The following MED16 variants were observed in gnomAD, a reference collection of about 807,000 sequenced individuals.
MED16 encodes the protein mediator complex subunit 16, also known as mediator of RNA polymerase II transcription subunit 16.
A neutral mutation model predicts 84.4 loss-of-function variants in MED16; 81 were observed. The observed-to-expected ratio is 0.96, with a 90% CI of 0.80 to 1.15. MED16 has a LOEUF of 1.15. Ranked by LOEUF, MED16 falls within the 50% of genes most tolerant of loss-of-function variation. MED16 has a pLI of 0.00. For synonymous variants in MED16, 897 were observed against 552.2 expected (o/e 1.62, Z -8.76); for missense variants, 1,585 against 1,245.9 (o/e 1.27, Z -4.10).
At chr19:874,707 G>T (rs1308605883) in intron 10 of MED16, among the ~76,000 whole-genome samples, 1 of 151,894 alleles carries the variant, frequency 6.6e-6, no homozygotes, top group Non-Finnish European at 1.5e-5. Context: ...GTGAGACCCT[G>T]TTGCTACAAA....
intron 6 of MED16, among the ~76,000 whole-genome samples, chr19:882,802 C>T (rs971176414): frequency 6.6e-6 from 1 of 152,246 alleles, no homozygotes; most frequent in African/African-American, 2.4e-5. Flanking sequence ...CGCAGCTGCT[C>T]TGTGCCACCC....
chr19:882,857 G>C (rs1442307605), intron 6 of MED16, among the ~76,000 whole-genome samples: 1 of 152,194 alleles, frequency 6.6e-6, no homozygotes, highest in East Asian at 1.9e-4. Flanking sequence ...CGGTCACAGA[G>C]CCTTGACCTC....
At chr19:889,949 T>TCCAGAGATGC in intron 3 of MED16, 142 bp from the exon 4 acceptor site, 1 of 1,015,210 alleles carries the variant, frequency 9.9e-7, no homozygotes, top group Non-Finnish European at 1.4e-6. Context: ...CAAGGCGCAC[T>TCCAGAGATGC]CCAGAGATGC....
rs1568324622 is a variant in MED16, at chr19:876,910, C to CGGGGCCCCACCTGCCAT, written c.1560+63_1560+64insATGGCAGGTGGGGCCCC. 2.5e-4 allele frequency: 354 copies of CGGGGCCCCACCTGCCAT among 1,420,384 alleles called. 4 individuals are homozygous for CGGGGCCCCACCTGCCAT. Among genetic ancestry groups the CGGGGCCCCACCTGCCAT allele is most frequent in the African/African-American group, 3.8e-4 (26 of 68,282 alleles). The allele number at this position is 1,420,384 out of a possible 1,614,324, so 88.0% of individuals were successfully genotyped here. On this transcript the variant is annotated intron_variant, in intron 9 of 15. Coordinates refer to ENST00000325464, the MANE Select transcript of MED16 (RefSeq NM_005481.3). ...ACCTGCCACGGGGCCCCACCTGCCA[C>CGGGGCCCCACCTGCCAT]GGGGCCCCCACCTGCCACAGGGCCC...
intron 11 of MED16, 27 bp downstream of exon 11, chr19:873,422 G>A (rs761460139): frequency 1.8e-5 from 28 of 1,596,268 alleles, no homozygotes; most frequent in African/African-American, 1.1e-4. Context: ...GGTGGGGGGC[G>A]GGGCCTTAGG....
intron 8 of MED16, 98 bp from the exon 9 acceptor site, chr19:877,278 CTG>C (rs947013574): frequency 1.7e-6 from 2 of 1,164,532 alleles, no homozygotes; most frequent in African/African-American, 1.6e-5. Context: ...GTGTGTGGAT[CTG>C]TGTGCGCGCA....
At chr19:884,008 C>T (rs2036474720) in intron 6 of MED16, among the ~76,000 whole-genome samples, 1 of 152,150 alleles carries the variant, frequency 6.6e-6, no homozygotes, top group Admixed American at 6.5e-5. Flanking sequence ...CCACAATGGG[C>T]AGTTGACATA....
chr19:870,500 G>T (rs975060668), intron 13 of MED16, among the ~76,000 whole-genome samples: 1 of 151,328 alleles, frequency 6.6e-6, no homozygotes, highest in African/African-American at 2.4e-5. Context: ...GGCAGACGTT[G>T]CAGTGGGCCA....
rs2036497822 is a variant in MED16, at chr19:885,026, GTGAGGGCT to G, written c.880-26_880-19del. ...AAAAGCACCTGCGGGGGAGGTGGGG[GTGAGGGCT>G]GACCCGGCACTGCTGTGGTGGCCAC... On this transcript the variant is annotated intron_variant, in intron 5 of 15. Transcript: ENST00000325464. 4.5e-6 allele frequency: 7 copies of G among 1,572,086 alleles called. No homozygotes were observed. Among genetic ancestry groups the G allele is most frequent in the Non-Finnish European group, 5.2e-6 (6 of 1,161,908 alleles).
intron 2 of MED16, among the ~76,000 whole-genome samples, 179 bp downstream of exon 2, chr19:890,784 G>GT (rs2036616568): frequency 6.6e-6 from 1 of 152,224 alleles, no homozygotes; most frequent in Non-Finnish European, 1.5e-5. Flanking sequence ...GGGGGGCACT[G>GT]AATCCACCCT....
At position 880,238 on chromosome 19, in the gene MED16, C is replaced by T; in HGVS notation, c.1142-90G>A. The stretch of plus-strand genomic sequence containing the variant: ...CTCCTGCTCTGCAGGGTGTGGAGAG[C>T]CGGGGCTGCCCATCCAGGGGGTCAG... On this transcript the variant is annotated intron_variant, in intron 7 of 15. Transcript: ENST00000325464. 6 of 1,255,178 alleles carry T rather than the reference C, an allele frequency of 4.8e-6. No homozygotes were observed. In the South Asian group the frequency reaches 6.2e-5, roughly 13 times the overall value. The allele number at this position is 1,255,178 out of a possible 1,614,324, so 77.8% of individuals were successfully genotyped here.
intron 4 of MED16, 61 bp from the exon 5 acceptor site, chr19:886,262 C>T: frequency 7.2e-7 from 1 of 1,390,464 alleles, no homozygotes; most frequent in South Asian, 1.5e-5. Context: ...GCCCCATGAC[C>T]CCCAGAAACA....
intron 8 of MED16, 35 bp from the exon 9 acceptor site, chr19:877,215 G>T (rs372788895): frequency 6.8e-5 from 107 of 1,577,650 alleles, no homozygotes; most frequent in Non-Finnish European, 9.0e-5. Context: ...AGCCCGGTGA[G>T]ATGGGGCTGC....
chr19:881,017 C>G (rs769107378), intron 7 of MED16, among the ~76,000 whole-genome samples: 7 of 152,132 alleles, frequency 4.6e-5, no homozygotes, highest in Non-Finnish European at 8.8e-5. Context: ...AACCTCTCTG[C>G]AGGCTCTGAG....
chr19:872,787 G>A (rs183181178), intron 11 of MED16: 214 of 199,610 alleles, frequency 1.1e-3, no homozygotes, highest in African/African-American at 3.8e-3. Context: ...TAAGGGGTGG[G>A]GGCAGCAGCA....
chr19:884,749 G>A (rs1017249757), intron 6 of MED16, among the ~76,000 whole-genome samples, 154 bp downstream of exon 6: 1 of 152,204 alleles, frequency 6.6e-6, no homozygotes, highest in South Asian at 2.1e-4. Flanking sequence ...GGTCACACCC[G>A]AGATCCTAGC....
chr19:889,615 G>C (rs373688060), intron 4 of MED16, 23 bp downstream of exon 4: 28 of 1,592,808 alleles, frequency 1.8e-5, no homozygotes, highest in Non-Finnish European at 2.4e-5. Context: ...TGCCTCATCC[G>C]CTCACTCGGG....
intron 7 of MED16, among the ~76,000 whole-genome samples, chr19:880,884 C>T (rs565933017): frequency 6.6e-5 from 10 of 151,184 alleles, no homozygotes; most frequent in Middle Eastern, 3.4e-3. Flanking sequence ...GAGATCACAC[C>T]ACTGCACTCC....
chr19:882,117 G>A (rs1390755226), intron 6 of MED16, among the ~76,000 whole-genome samples: 1 of 152,238 alleles, frequency 6.6e-6, no homozygotes, highest in Non-Finnish European at 1.5e-5. Flanking sequence ...ATGCGGGATG[G>A]TCGCACCCAC....
Sources: allele counts gnomAD v4.1 joint callset (sites outside exome capture counted in the v4.1 genomes callset), GRCh38; gene constraint gnomAD v4.1.1; transcripts MANE v1.5; gene names NCBI Gene and HGNC (gene_info 2026-07-23, HGNC 2026-07-21).